Variants in SYNE2 observed in about 807,000 individuals in gnomAD.
The protein encoded by SYNE2 is nesprin-2.
A neutral mutation model predicts 856.3 loss-of-function variants in SYNE2; 431 were observed. That is an observed-to-expected ratio of 0.50 (90% CI 0.47 to 0.55). SYNE2 has a LOEUF of 0.55. SYNE2 is among the 20% of genes least tolerant of loss of function. The probability of loss-of-function intolerance (pLI) is 0.00; values close to 1 mark genes in which losing one functional copy is unlikely to be tolerated. For missense variants in SYNE2, 8,129 were observed against 8,023.2 expected (o/e 1.01, Z -0.50); for synonymous variants, 2,923 against 2,872.3 (o/e 1.02, Z -0.56).
intron 1 of SYNE2, among the ~76,000 whole-genome samples, chr14:63,794,469 T>C (rs1406518815): frequency 6.6e-6 from 1 of 152,148 alleles, no homozygotes; most frequent in Non-Finnish European, 1.5e-5. Flanking sequence ...GGATTACAGA[T>C]GTGAGCCACC....
intron 66 of SYNE2, among the ~76,000 whole-genome samples, chr14:64,114,022 A>G (rs2097834400): frequency 1.3e-5 from 2 of 152,208 alleles, no homozygotes; most frequent in African/African-American, 4.8e-5. Context: ...TGCTCAGTAA[A>G]TGCTATTATT....
chr14:64,144,807 AG>A (rs1188194427), intron 83 of SYNE2, among the ~76,000 whole-genome samples: 1 of 152,060 alleles, frequency 6.6e-6, no homozygotes, highest in African/African-American at 2.4e-5. Context: ...TGATGTGCAC[AG>A]AGTGTTCAAT....
intron 47 of SYNE2, 64 bp from the exon 48 acceptor site, chr14:64,051,493 A>G (rs935725394): frequency 1.8e-5 from 25 of 1,409,078 alleles, no homozygotes; most frequent in Non-Finnish European, 2.3e-5. Context: ...AATGATATTT[A>G]TCCACATTTT....
chr14:64,215,249 C>T (rs762438663), intron 106 of SYNE2, 37 bp from the exon 107 acceptor site: 1 of 1,586,244 alleles, frequency 6.3e-7, no homozygotes, highest in Admixed American at 1.7e-5. Context: ...AATCTTCAGG[C>T]ACCTCCAGTG....
At chr14:64,064,382 C>T (rs138840226) in intron 50 of SYNE2, among the ~76,000 whole-genome samples, 304 of 152,148 alleles carry the variant, frequency 2.0e-3, no homozygotes, top group African/African-American at 6.9e-3. Context: ...CAGAATAGCA[C>T]TTATATATTT....
intron 89 of SYNE2, 122 bp from the exon 90 acceptor site, chr14:64,165,163 A>C (rs981076849): frequency 4.4e-5 from 44 of 992,044 alleles, no homozygotes; most frequent in Non-Finnish European, 6.7e-5. Context: ...CTGGGATTAC[A>C]GCCATGAGCC....
intron 88 of SYNE2, chr14:64,162,934 C>T (rs775526743): frequency 6.7e-5 from 12 of 178,824 alleles, no homozygotes; most frequent in Non-Finnish European, 1.4e-4. Context: ...AATAAAAAAA[C>T]AAATTTTATG....
chr14:63,835,983 CAAAA>C (rs369182135), intron 1 of SYNE2, among the ~76,000 whole-genome samples: 1 of 128,082 alleles, frequency 7.8e-6, no homozygotes, highest in African/African-American at 3.0e-5. Flanking sequence ...AACTCTGTCT[CAAAA>C]AAAAAAAAAA....
chr14:64,200,873 T>C (rs867118144), intron 99 of SYNE2, among the ~76,000 whole-genome samples: 5 of 152,184 alleles, frequency 3.3e-5, no homozygotes, highest in African/African-American at 1.2e-4. Flanking sequence ...ACCCAGGCCC[T>C]GACCACAGAG....
chr14:64,183,697 C>G (rs931710401), intron 96 of SYNE2, among the ~76,000 whole-genome samples: 2 of 152,156 alleles, frequency 1.3e-5, no homozygotes, highest in Non-Finnish European at 2.9e-5. Context: ...GCAGATCACT[C>G]GTGGTTAGGA....
chr14:64,068,632 C>T (rs959459979), intron 51 of SYNE2, among the ~76,000 whole-genome samples: 4 of 151,970 alleles, frequency 2.6e-5, no homozygotes, highest in Non-Finnish European at 5.9e-5. Context: ...GTGGCCTAGA[C>T]AGGTGGATCA....
chr14:64,162,944 G>T (rs147778235), intron 88 of SYNE2: 2 of 181,748 alleles, frequency 1.1e-5, no homozygotes, highest in South Asian at 1.2e-4. Flanking sequence ...CAAATTTTAT[G>T]TACACAATAT....
At chr14:63,800,751 A>G (rs1051101037) in intron 1 of SYNE2, among the ~76,000 whole-genome samples, 1 of 152,184 alleles carries the variant, frequency 6.6e-6, no homozygotes, top group Admixed American at 6.6e-5. Context: ...TGTAAGTGGG[A>G]GCTAAATGAT....
At chr14:63,887,697 A>C (rs1014313618) in intron 1 of SYNE2, among the ~76,000 whole-genome samples, 1 of 151,120 alleles carries the variant, frequency 6.6e-6, no homozygotes, top group Non-Finnish European at 1.5e-5. Flanking sequence ...ATATGCTTTA[A>C]TATTGGTGAG....
At chr14:63,814,373 A>G (rs1448049521) in intron 1 of SYNE2, among the ~76,000 whole-genome samples, 1 of 148,218 alleles carries the variant, frequency 6.7e-6, no homozygotes, top group Non-Finnish European at 1.5e-5. Flanking sequence ...AAGAACTAAT[A>G]GGATATATAT....
intron 85 of SYNE2, among the ~76,000 whole-genome samples, chr14:64,155,410 T>A (rs2098277733): frequency 6.6e-6 from 1 of 152,118 alleles, no homozygotes. Flanking sequence ...AATGGACAAT[T>A]CTATAAAGAC....
chr14:64,048,820 G>A (rs1400174528), intron 46 of SYNE2: 1 of 151,684 alleles, frequency 6.6e-6, no homozygotes, highest in Non-Finnish European at 1.5e-5. Context: ...GAGACAGGAG[G>A]ATTGCTTGAA....
chr14:64,118,394 G>C (rs1012159469), intron 66 of SYNE2, among the ~76,000 whole-genome samples: 1 of 152,186 alleles, frequency 6.6e-6, no homozygotes, highest in African/African-American at 2.4e-5. Context: ...TTGGCCGGTT[G>C]TATCAATAAC....
intron 52 of SYNE2, among the ~76,000 whole-genome samples, chr14:64,073,007 C>T (rs2153602153): frequency 6.6e-6 from 1 of 152,282 alleles, no homozygotes; most frequent in Non-Finnish European, 1.5e-5. Flanking sequence ...GGGCCTGGGG[C>T]TTCCCTGCTC....
Sources: allele counts gnomAD v4.1 joint callset (sites outside exome capture counted in the v4.1 genomes callset), GRCh38; gene constraint gnomAD v4.1.1; transcripts MANE v1.5; gene names NCBI Gene and HGNC (gene_info 2026-07-23, HGNC 2026-07-21).